The following MCM5 variants were observed in gnomAD, a reference collection of about 807,000 sequenced individuals.
The protein encoded by MCM5 is minichromosome maintenance complex component 5.
A neutral mutation model predicts 79.9 loss-of-function variants in MCM5; 46 were observed. The observed-to-expected ratio is 0.58, with a 90% CI of 0.45 to 0.74. The LOEUF (loss-of-function observed/expected upper bound fraction) is 0.74, where lower values mean the gene tolerates loss of function less well. MCM5 is among the 30% of genes least tolerant of loss of function. MCM5 has a pLI of 0.00. For synonymous variants in MCM5, 404 were observed against 390.5 expected, an observed-to-expected ratio of 1.03 and a Z score of -0.41; for missense variants, 883 against 1,017.0, an observed-to-expected ratio of 0.87 and a Z score of 1.79.
rs752564434 is a variant in MCM5 at position 35,406,608 on chromosome 22, C to G, written c.479C>G (p.Ala160Gly). The G allele has an allele frequency of 5.0e-6, 8 of 1,613,514 alleles. No individual in the cohort carries two copies. The South Asian group carries it at 8.8e-5, about 18-fold the overall frequency. The change falls in exon 5 of 17, where the codon GCG becomes GGG. Residue 160 changes from alanine to glycine, a missense_variant. By Grantham distance (60) the Ala-to-Gly change is moderately conservative. Transcript: ENST00000216122. ...KIPGIIIAASAVRAKATRISI... is the reference protein window; with the variant it reads ...KIPGIIIAASGVRAKATRISI... ...CCTGGCATCATCATCGCGGCCTCTG[C>G]GGTCCGTGCCAAGGCCACCCGCATC...
chr22:35,417,822 G>C lies in MCM5; in HGVS notation c.1669G>C (p.Ala557Pro). 1 of 1,614,166 alleles carries C rather than the reference G, an allele frequency of 6.2e-7. No homozygotes were observed. Among genetic ancestry groups the C allele is most frequent in the Non-Finnish European group, 8.5e-7 (1 of 1,180,018 alleles). The change falls in exon 13 of 17, where the codon GCC becomes CCC. Residue 557 changes from alanine to proline, a missense_variant. Physicochemically the swap from Ala to Pro is conservative, Grantham distance 27. This residue lies in a region of MCM5 where 426 missense variants were observed against 482.3 expected (regional missense o/e 0.88). Transcript: ENST00000216122. ...GGCTGTGGAGGGCGAGATTGACCTG[G>C]CCAAGCTGAAGAAGTTTATTGCCTA... ...TQAVEGEIDLAKLKKFIAYCR... is the reference protein window; with the variant it reads ...TQAVEGEIDLPKLKKFIAYCR...
chr22:35,448,904 C>T, the MCM5 span, among the ~76,000 whole-genome samples: 5 of 152,130 alleles, frequency 3.3e-5, no homozygotes, highest in African/African-American at 4.8e-5. Flanking sequence ...TGGTGGCAGA[C>T]GGGCAAGAAG....
At chr22:35,406,517 C>T (rs1043101415) in intron 4 of MCM5, 36 bp from the exon 5 acceptor site, 2 of 1,594,936 alleles carry the variant, frequency 1.3e-6, no homozygotes, top group Non-Finnish European at 1.7e-6. Flanking sequence ...TCCTGGCTCC[C>T]CTTAACCAAC....
rs1022880787 is a variant in MCM5, at chr22:35,415,907, A to G, written c.1282A>G (p.Ile428Val). The G allele has an allele frequency of 1.2e-6, 2 of 1,614,122 alleles. No individual in the cohort carries two copies. The highest frequency in any genetic ancestry group is 1.7e-6 in the Non-Finnish European group (2 of 1,180,020). Residue 428 changes from isoleucine to valine, a missense_variant, in exon 10 of 17, where the codon ATC becomes GTC. Around this residue, in one of 3 missense-constraint regions of MCM5, gnomAD observed 426 missense variants for 482.3 expected, o/e 0.88. Transcript: ENST00000216122. ...GAGGGACCCTTCGTCCCGGAATTTC[A>G]TCATGGAGGGCGGAGCCATGGTCCT... ...VMRDPSSRNF[I>V]MEGGAMVLAD...
the MCM5 span, among the ~76,000 whole-genome samples, chr22:35,449,019 A>T: frequency 6.6e-6 from 1 of 152,222 alleles, no homozygotes; most frequent in African/African-American, 2.4e-5. Flanking sequence ...GTGGTGGGAA[A>T]GGACACCCTG....
At chr22:35,450,491 GGACTCGCCCA>G in the MCM5 span, among the ~76,000 whole-genome samples, 2 of 152,164 alleles carry the variant, frequency 1.3e-5, no homozygotes, top group Admixed American at 1.3e-4. Context: ...AAGTGGGTGA[GGACTCGCCCA>G]GACTCGCCCG....
the MCM5 span, among the ~76,000 whole-genome samples, chr22:35,431,715 A>G: frequency 3.9e-5 from 6 of 152,020 alleles, no homozygotes; most frequent in African/African-American, 1.4e-4. Context: ...ACTCAAACTC[A>G]TGGGTGAGTT....
chr22:35,421,240 C>T, intron 14 of MCM5, 78 bp from the exon 15 acceptor site: 1 of 1,496,846 alleles, frequency 6.7e-7, no homozygotes, highest in South Asian at 1.3e-5. Context: ...TGGGCAAGCA[C>T]CTCCCTGGTA....
chr22:35,438,320 C>T, the MCM5 span, among the ~76,000 whole-genome samples: 63 of 36,252 alleles, frequency 1.7e-3, no homozygotes, highest in Admixed American at 4.3e-3. Flanking sequence ...TCCGTTCATC[C>T]GTCCATCTAT....
intron 4 of MCM5, among the ~76,000 whole-genome samples, chr22:35,405,288 G>C (rs941699724): frequency 2.6e-5 from 4 of 151,264 alleles, no homozygotes; most frequent in African/African-American, 9.7e-5. Context: ...TTTCATCTGT[G>C]GCCCTGGAGT....
the MCM5 span, among the ~76,000 whole-genome samples, chr22:35,439,120 TATCCATCC>T: frequency 4.4e-5 from 6 of 135,700 alleles, no homozygotes; most frequent in Non-Finnish European, 9.4e-5. Context: ...TCCACCCACA[TATCCATCC>T]ATCCATCCAC....
the MCM5 span, among the ~76,000 whole-genome samples, chr22:35,452,333 TCA>T: frequency 1.3e-5 from 2 of 152,116 alleles, no homozygotes; most frequent in Non-Finnish European, 2.9e-5. Flanking sequence ...ATGGCAGATG[TCA>T]CACCCTGGAA....
chr22:35,453,819 T>TATATATATATATATAGAGAGAGAGAGAG, the MCM5 span, among the ~76,000 whole-genome samples: 6 of 81,544 alleles, frequency 7.4e-5, no homozygotes, highest in East Asian at 3.4e-4. Flanking sequence ...TATATATATA[T>TATATATATATATATAGAGAGAGAGAGAG]AGAGAGAGAG....
chr22:35,400,581 G>A lies in MCM5; in HGVS notation c.143G>A (p.Arg48His), dbSNP rs768649710. 14 of 1,612,512 alleles carry A rather than the reference G, an allele frequency of 8.7e-6. No homozygotes were observed. Among genetic ancestry groups the A allele is most frequent in the Non-Finnish European group, 1.0e-5 (12 of 1,179,158 alleles). ...CGGCAGTACCGAGTGGGCACCGACC[G>A]CACGGGCTTCACCTTCAAATACAGG... ...FLRQYRVGTDRTGFTFKYRDE... is the reference protein window; with the variant it reads ...FLRQYRVGTDHTGFTFKYRDE... The change falls in exon 2 of 17, where the codon CGC becomes CAC. Residue 48 changes from arginine (R) to histidine (H), a missense_variant. Arg to His is a conservative substitution (Grantham distance 29). This residue lies in a region of MCM5 where 455 missense variants were observed against 517.5 expected (regional missense o/e 0.88). Transcript: ENST00000216122.
Position 35,412,644 on chromosome 22 carries a change from G to C in MCM5, c.1054G>C (p.Ala352Pro). Reference protein sequence around the residue: ...SIFGGTDMKKAIACLLFGGSR... With the variant: ...SIFGGTDMKKPIACLLFGGSR... Reference sequence around the variant, plus strand: ...CTTTGGGGGCACAGACATGAAGAAGGCCATTGCCTGCCTGCTCTTTGGGGG... The same window carrying C: ...CTTTGGGGGCACAGACATGAAGAAGCCCATTGCCTGCCTGCTCTTTGGGGG... The change falls in exon 8 of 17, where the codon GCC becomes CCC. Residue 352 changes from alanine to proline, a missense_variant. Around this residue, in one of 3 missense-constraint regions of MCM5, gnomAD observed 455 missense variants for 517.5 expected, o/e 0.88. Transcript: ENST00000216122. The C allele has an allele frequency of 1.3e-6, 2 of 1,536,628 alleles. No individual in the cohort carries two copies. Among genetic ancestry groups the C allele is most frequent in the Non-Finnish European group, 1.8e-6 (2 of 1,135,396 alleles).
chr22:35,439,120 T>TATCC, the MCM5 span, among the ~76,000 whole-genome samples: 6 of 135,678 alleles, frequency 4.4e-5, no homozygotes, highest in African/African-American at 1.7e-4. Context: ...TCCACCCACA[T>TATCC]ATCCATCCAT....
chr22:35,402,371 G>A (rs1417361965), intron 2 of MCM5, among the ~76,000 whole-genome samples: 3 of 150,994 alleles, frequency 2.0e-5, no homozygotes, highest in South Asian at 4.2e-4. Context: ...CTGTCACCCA[G>A]GTTTGAGTAC....
At chr22:35,438,602 C>CCCACCCACATATTCATCCAT in the MCM5 span, among the ~76,000 whole-genome samples, 1 of 57,076 alleles carries the variant, frequency 1.8e-5, no homozygotes, top group Non-Finnish European at 3.1e-5. Context: ...CATGCATCCA[C>CCCACCCACATATTCATCCAT]CCACCCACAT....
the MCM5 span, among the ~76,000 whole-genome samples, chr22:35,445,938 A>G: frequency 3.5e-4 from 54 of 152,242 alleles, no homozygotes; most frequent in African/African-American, 1.3e-3. Flanking sequence ...CAGTCGGGTC[A>G]TACTGCAACC....
Sources: allele counts gnomAD v4.1 joint callset (sites outside exome capture counted in the v4.1 genomes callset), GRCh38; gene constraint gnomAD v4.1.1; regional missense constraint gnomAD v4.1.1; transcripts MANE v1.5; gene names NCBI Gene and HGNC (gene_info 2026-07-23, HGNC 2026-07-21).